Variants in ZBTB16 observed in about 807,000 individuals in gnomAD.
ZBTB16 encodes zinc finger and BTB domain-containing protein 16.
Under a neutral mutation model 56.8 loss-of-function variants are expected in ZBTB16, and 8 were observed. The ratio of observed to expected loss-of-function variants is 0.14; its 90% CI spans 0.08 to 0.25. ZBTB16 has a LOEUF of 0.25. Ranked by LOEUF, ZBTB16 falls within the 10% of genes least tolerant of loss-of-function variation. The pLI is 1.00. For synonymous variants in ZBTB16, 363 were observed against 368.5 expected (o/e 0.98, Z 0.17); for missense variants, 625 against 903.0 (o/e 0.69, Z 3.95).
intron 5 of ZBTB16, among the ~76,000 whole-genome samples, chr11:114,242,875 C>T (rs1200266635): frequency 6.6e-6 from 1 of 152,152 alleles, no homozygotes; most frequent in Non-Finnish European, 1.5e-5. Flanking sequence ...GGACCTTAAC[C>T]CTGTTTAGGG....
chr11:114,125,840 A>T (rs1941494649), intron 2 of ZBTB16, among the ~76,000 whole-genome samples: 1 of 152,168 alleles, frequency 6.6e-6, no homozygotes, highest in African/African-American at 2.4e-5. Flanking sequence ...CCCATAAAGG[A>T]AGTTCACTCC....
chr11:114,098,657 G>A (rs1940503252), intron 2 of ZBTB16, among the ~76,000 whole-genome samples: 1 of 152,084 alleles, frequency 6.6e-6, no homozygotes, highest in African/African-American at 2.4e-5. Flanking sequence ...AGTCAGGTGG[G>A]CCAAGAAGCA....
rs61107073 is a variant in ZBTB16, at chr11:114,256,022, G to GTTTTTTTTTTTTTT, written c.*5479_*5480insTTTTTTTTTTTTTT. 1.4e-5 allele frequency among the ~76,000 whole-genome samples: 2 copies of GTTTTTTTTTTTTTT among 143,078 alleles called. No homozygotes were observed. Among genetic ancestry groups the GTTTTTTTTTTTTTT allele is most frequent in the African/African-American group, 2.6e-5 (1 of 38,558 alleles). The allele number at this position is 143,078 out of a possible 152,430, so 93.9% of individuals were successfully genotyped here. A position where few individuals can be genotyped will look rare whatever the true frequency, so the allele number is the denominator to read the frequency against. The stretch of plus-strand genomic sequence containing the variant: ...TTATTGAAGTACTTGGTTTTGTTTT[G>GTTTTTTTTTTTTTT]TTTTTTTTTTTTGTTTTTTTTGCCT... On this transcript the variant is annotated 3_prime_UTR_variant, in exon 7 of 7. Coordinates refer to ENST00000335953, the MANE Select transcript of ZBTB16 (RefSeq NM_006006.6).
chr11:114,209,067 C>T lies in ZBTB16; in HGVS notation c.1453+22029C>T, dbSNP rs563166988. Among the ~76,000 whole-genome samples, 4 of 152,208 alleles carry T rather than the reference C, an allele frequency of 2.6e-5. No homozygotes were observed. In the South Asian group the frequency reaches 6.3e-4, roughly 24 times the overall value. On this transcript the variant is annotated intron_variant, in intron 4 of 6. Coordinates refer to ENST00000335953, the MANE Select transcript of ZBTB16 (RefSeq NM_006006.6). ...AGAACCAACCACTTGTGCAGGTGCC[C>T]GCATCCGAAGATAACTTGCCCCCAG...
At chr11:114,235,873 G>A (rs1352559984) in intron 4 of ZBTB16, among the ~76,000 whole-genome samples, 1 of 149,288 alleles carries the variant, frequency 6.7e-6, no homozygotes, top group Non-Finnish European at 1.5e-5. Flanking sequence ...AAAACTGGCA[G>A]TGTTGCCACT....
At chr11:114,110,457 G>A (rs191198901) in intron 2 of ZBTB16, among the ~76,000 whole-genome samples, 13 of 152,300 alleles carry the variant, frequency 8.5e-5, no homozygotes, top group African/African-American at 2.2e-4. Context: ...GGGCTTTTGC[G>A]TGAGGTTGGT....
rs1017582662 is a variant in ZBTB16 at position 114,159,928 on chromosome 11, C to G, written c.1366+3494C>G. Among the ~76,000 whole-genome samples the G allele has an allele frequency of 1.6e-4, 8 of 48,978 alleles. 1 individual carries two copies. In the African/African-American group the frequency reaches 2.0e-3, roughly 12 times the overall value. The allele number at this position is 48,978 out of a possible 152,430, so 32.1% of individuals were successfully genotyped here. A position where few individuals can be genotyped will look rare whatever the true frequency, so the allele number is the denominator to read the frequency against. ...ACAGTAGTTGCTCCAGAACCCTGGG[C>G]GGGGGAGGCGGGGGGGAGGCGAGCA... On this transcript the variant is annotated intron_variant, in intron 3 of 6. Transcript: ENST00000335953.
At chr11:114,062,812 G>A (rs1938936712) in intron 1 of ZBTB16, among the ~76,000 whole-genome samples, 1 of 152,206 alleles carries the variant, frequency 6.6e-6, no homozygotes, top group African/African-American at 2.4e-5. Context: ...CAAGGAAGGG[G>A]CTAAAGTCTT....
At chr11:114,225,036 C>A (rs774377361) in intron 4 of ZBTB16, among the ~76,000 whole-genome samples, 1 of 152,044 alleles carries the variant, frequency 6.6e-6, no homozygotes, top group Non-Finnish European at 1.5e-5. Flanking sequence ...TTAGTTAGAC[C>A]GATCCAAGCT....
intron 2 of ZBTB16, among the ~76,000 whole-genome samples, chr11:114,122,650 T>G (rs1361433504): frequency 1.3e-5 from 2 of 152,202 alleles, no homozygotes; most frequent in Non-Finnish European, 2.9e-5. Flanking sequence ...CTCTTTCTCA[T>G]GCTTGTTTAG....
At chr11:114,061,349 T>C (rs1938852606) in intron 1 of ZBTB16, 1 of 152,186 alleles carries the variant, frequency 6.6e-6, no homozygotes, top group Admixed American at 6.5e-5. Flanking sequence ...AAGCTTCCAT[T>C]CTTTTGGCTG....
chr11:114,236,857 A>T (rs1331473371), intron 4 of ZBTB16, among the ~76,000 whole-genome samples: 1 of 152,248 alleles, frequency 6.6e-6, no homozygotes, highest in Non-Finnish European at 1.5e-5. Flanking sequence ...GGCAGAGCTG[A>T]AAGTCCAAAA....
intron 3 of ZBTB16, among the ~76,000 whole-genome samples, chr11:114,159,248 A>G (rs935118332): frequency 1.3e-5 from 2 of 152,132 alleles, no homozygotes; most frequent in African/African-American, 2.4e-5. Flanking sequence ...CTGATCTCAT[A>G]TGGCTGCTCC....
rs563600957 is a variant in ZBTB16 at position 114,080,955 on chromosome 11, G to A, written c.1268+16387G>A. ...GTGTCCAAGAATCACAGTCAGAGCT[G>A]AAGGGCCCTTGGAATCATTTATTGC... On this transcript the variant is annotated intron_variant, in intron 2 of 6. Transcript: ENST00000335953. 2.6e-5 allele frequency among the ~76,000 whole-genome samples: 4 copies of A among 152,318 alleles called. No homozygotes were observed. In the East Asian group the frequency reaches 7.7e-4, roughly 29 times the overall value.
intron 4 of ZBTB16, among the ~76,000 whole-genome samples, chr11:114,190,305 CA>C (rs1943462297): frequency 6.6e-6 from 1 of 152,118 alleles, no homozygotes; most frequent in Non-Finnish European, 1.5e-5. Flanking sequence ...CTGATAAACC[CA>C]TCATAAGTAG....
At position 114,254,868 on chromosome 11, in the gene ZBTB16, G is replaced by T. The variant is rs1944974757; in HGVS notation, c.*4313G>T. On this transcript the variant is annotated 3_prime_UTR_variant, in exon 7 of 7. Coordinates refer to ENST00000335953, the MANE Select transcript of ZBTB16 (RefSeq NM_006006.6). The stretch of plus-strand genomic sequence containing the variant: ...AGAGATGGCCAGGAGAGGGGTGCAG[G>T]ACAAACCAGAGAGGTTGGGTCAGGG... Among the ~76,000 whole-genome samples, 1 of 152,174 alleles carries T rather than the reference G, an allele frequency of 6.6e-6. No homozygotes were observed. Among genetic ancestry groups the T allele is most frequent in the Non-Finnish European group, 1.5e-5 (1 of 68,026 alleles).
intron 4 of ZBTB16, among the ~76,000 whole-genome samples, chr11:114,220,209 C>A (rs940461420): frequency 1.3e-5 from 2 of 152,200 alleles, no homozygotes; most frequent in Non-Finnish European, 2.9e-5. Flanking sequence ...TGGAATAAAT[C>A]AGCTCAGGCA....
intron 4 of ZBTB16, among the ~76,000 whole-genome samples, chr11:114,203,595 A>G (rs561127198): frequency 3.3e-5 from 5 of 150,698 alleles, no homozygotes; most frequent in Admixed American, 6.6e-5. Flanking sequence ...CAACAACAAC[A>G]AAAACATTAA....
intron 2 of ZBTB16, among the ~76,000 whole-genome samples, chr11:114,125,283 A>G (rs957310512): frequency 6.6e-6 from 1 of 152,234 alleles, no homozygotes; most frequent in Non-Finnish European, 1.5e-5. Flanking sequence ...AGTTTCAAGA[A>G]TAATACAGAG....
Sources: gnomAD v4.1 joint callset for allele counts (sites outside exome capture counted in the v4.1 genomes callset) on GRCh38, gnomAD v4.1.1 for gene constraint, MANE v1.5 for transcripts, NCBI Gene and HGNC (gene_info 2026-07-23, HGNC 2026-07-21) for gene names.